Variants in NKAIN2 observed in about 807,000 individuals in gnomAD.
NKAIN2 encodes the protein sodium/potassium-transporting ATPase subunit beta-1-interacting protein 2.
NKAIN2 carries 14 observed loss-of-function variants against 32.6 expected under a neutral mutation model. The observed-to-expected ratio is 0.43, with a 90% CI of 0.28 to 0.67. The LOEUF is 0.67. Ranked by LOEUF, NKAIN2 falls within the 30% of genes least tolerant of loss-of-function variation. The pLI is 0.17. For missense variants in NKAIN2, 198 were observed against 258.3 expected, an observed-to-expected ratio of 0.77 and a Z score of 1.60; for synonymous variants, 80 against 87.2, an observed-to-expected ratio of 0.92 and a Z score of 0.46.
intron 1 of NKAIN2, among the ~76,000 whole-genome samples, chr6:124,088,926 ACTTAT>A: frequency 6.6e-6 from 1 of 152,140 alleles, no homozygotes; most frequent in Non-Finnish European, 1.5e-5. Flanking sequence ...TTTTCACATG[ACTTAT>A]CTTAGCACAA....
intron 4 of NKAIN2, among the ~76,000 whole-genome samples, chr6:124,662,611 T>C (rs912693571): frequency 6.6e-6 from 1 of 152,220 alleles, no homozygotes; most frequent in Non-Finnish European, 1.5e-5. Context: ...TGTTTAGTTA[T>C]GTTGTTAATA....
intron 3 of NKAIN2, among the ~76,000 whole-genome samples, chr6:124,515,537 C>T (rs1778874233): frequency 6.6e-6 from 1 of 151,960 alleles, no homozygotes; most frequent in Non-Finnish European, 1.5e-5. Flanking sequence ...TGAGAACACA[C>T]TCACCAGCTC....
chr6:124,260,223 A>G (rs1210323965), intron 1 of NKAIN2, among the ~76,000 whole-genome samples: 1 of 152,222 alleles, frequency 6.6e-6, no homozygotes, highest in Non-Finnish European at 1.5e-5. Context: ...TTTGTAAGCC[A>G]TAGAGAAAAA....
At chr6:124,118,499 A>G (rs1318123905) in intron 1 of NKAIN2, among the ~76,000 whole-genome samples, 2 of 152,102 alleles carry the variant, frequency 1.3e-5, no homozygotes, top group Non-Finnish European at 2.9e-5. Context: ...GAAAACAAAA[A>G]CAATTTTTGC....
intron 4 of NKAIN2, among the ~76,000 whole-genome samples, chr6:124,669,768 A>C (rs576395225): frequency 1.2e-4 from 19 of 152,192 alleles, no homozygotes; most frequent in African/African-American, 4.1e-4. Flanking sequence ...TTCAGAATCT[A>C]ATCATTCTCT....
At chr6:123,962,422 T>G (rs1356472263) in intron 1 of NKAIN2, among the ~76,000 whole-genome samples, 6 of 152,190 alleles carry the variant, frequency 3.9e-5, no homozygotes, top group Admixed American at 3.9e-4. Context: ...CAGAGCTATT[T>G]AAGAATCAAT....
At chr6:124,803,099 T>G (rs992230192) in intron 5 of NKAIN2, among the ~76,000 whole-genome samples, 1 of 152,168 alleles carries the variant, frequency 6.6e-6, no homozygotes, top group Non-Finnish European at 1.5e-5. Context: ...TGCTCAACCA[T>G]GCTTCATTCT....
At chr6:124,606,648 A>G (rs1174539121) in intron 3 of NKAIN2, among the ~76,000 whole-genome samples, 2 of 152,282 alleles carry the variant, frequency 1.3e-5, no homozygotes, top group East Asian at 3.9e-4. Flanking sequence ...TAATAATAAT[A>G]GAAATGATAT....
chr6:124,448,095 T>C (rs1404408507), intron 3 of NKAIN2, among the ~76,000 whole-genome samples: 1 of 152,148 alleles, frequency 6.6e-6, no homozygotes, highest in African/African-American at 2.4e-5. Context: ...CTGCTGTTTG[T>C]CAACTAAATG....
intron 1 of NKAIN2, among the ~76,000 whole-genome samples, chr6:123,824,487 A>T (rs569668663): frequency 6.6e-6 from 1 of 152,204 alleles, no homozygotes; most frequent in South Asian, 2.1e-4. Flanking sequence ...CAGTTTGAGG[A>T]CATTTTGGGA....
At chr6:124,430,619 TTCAGATAGTATTCTTGCATGGTAGC>T in intron 3 of NKAIN2, among the ~76,000 whole-genome samples, 1 of 152,242 alleles carries the variant, frequency 6.6e-6, no homozygotes, top group Admixed American at 6.5e-5. Flanking sequence ...ACATGGTAGC[TTCAGATAGTATTCTTGCATGGTAGC>T]TCAGAGCTAC....
At chr6:124,482,860 C>T (rs1271248733) in intron 3 of NKAIN2, among the ~76,000 whole-genome samples, 2 of 152,144 alleles carry the variant, frequency 1.3e-5, no homozygotes, top group African/African-American at 4.8e-5. Context: ...GGTGGCTGGG[C>T]GCGGTGGCTC....
chr6:124,636,131 C>CA (rs1005042452), intron 3 of NKAIN2, among the ~76,000 whole-genome samples: 18 of 149,632 alleles, frequency 1.2e-4, no homozygotes, highest in East Asian at 2.0e-4. Flanking sequence ...AAATAAATAA[C>CA]AAAAAAAAGG....
At chr6:124,429,932 A>G (rs1172143563) in intron 3 of NKAIN2, among the ~76,000 whole-genome samples, 2 of 152,190 alleles carry the variant, frequency 1.3e-5, no homozygotes, top group African/African-American at 4.8e-5. Context: ...CTGAAATAAC[A>G]TGATCAAAAT....
intron 3 of NKAIN2, among the ~76,000 whole-genome samples, chr6:124,367,261 AATGTTGGAATC>A (rs1799561374): frequency 6.6e-6 from 1 of 152,166 alleles, no homozygotes; most frequent in Admixed American, 6.6e-5. Context: ...TCTGTTCTTC[AATGTTGGAATC>A]ATGTTTTATG....
At chr6:124,299,621 T>C (rs1796216406) in intron 2 of NKAIN2, among the ~76,000 whole-genome samples, 1 of 152,192 alleles carries the variant, frequency 6.6e-6, no homozygotes, top group Non-Finnish European at 1.5e-5. Context: ...GTCATAGATA[T>C]TAGTATGCAT....
At chr6:124,425,319 C>T (rs186266957) in intron 3 of NKAIN2, among the ~76,000 whole-genome samples, 3 of 151,928 alleles carry the variant, frequency 2.0e-5, no homozygotes, top group Admixed American at 6.6e-5. Flanking sequence ...ATAATCAATT[C>T]GAAATGGGTT....
chr6:124,644,268 G>A (rs1454516355), intron 3 of NKAIN2, among the ~76,000 whole-genome samples: 1 of 152,036 alleles, frequency 6.6e-6, no homozygotes, highest in Non-Finnish European at 1.5e-5. Context: ...ATGCTGATGA[G>A]AACATATAAT....
At chr6:124,469,473 A>C (rs1583298256) in intron 3 of NKAIN2, among the ~76,000 whole-genome samples, 2 of 152,194 alleles carry the variant, frequency 1.3e-5, no homozygotes, top group Admixed American at 6.5e-5. Context: ...AATGAAAAAT[A>C]CTCTCTCTGT....
Sources: gnomAD v4.1 joint callset for allele counts (sites outside exome capture counted in the v4.1 genomes callset) on GRCh38, gnomAD v4.1.1 for gene constraint, MANE v1.5 for transcripts, NCBI Gene and HGNC (gene_info 2026-07-23, HGNC 2026-07-21) for gene names.